AGBL4: variants seen among roughly 807,000 people sequenced by gnomAD.
AGBL4 encodes cytosolic carboxypeptidase 6.
In AGBL4, 58 loss-of-function variants were observed where a neutral mutation model predicts 66.4. The ratio of observed to expected loss-of-function variants is 0.87; its 90% CI spans 0.71 to 1.09. The LOEUF (loss-of-function observed/expected upper bound fraction) is 1.09. AGBL4 is among the 50% of genes least tolerant of loss of function. AGBL4 has a pLI of 0.00. For synonymous variants in AGBL4, 234 were observed against 222.9 expected (o/e 1.05, Z -0.44); for missense variants, 579 against 631.0 (o/e 0.92, Z 0.88).
At chr1:48,590,366 A>G (rs1302531746) in intron 10 of AGBL4, among the ~76,000 whole-genome samples, 2 of 147,008 alleles carry the variant, frequency 1.4e-5, no homozygotes, top group Non-Finnish European at 3.0e-5. Context: ...AGATCATGCC[A>G]TTGCACTCCA....
chr1:48,654,224 G>C (rs1416569589), intron 7 of AGBL4, among the ~76,000 whole-genome samples: 6 of 152,012 alleles, frequency 3.9e-5, no homozygotes, highest in African/African-American at 9.7e-5. Flanking sequence ...TCTAACCCAG[G>C]CTACCATCAC....
intron 2 of AGBL4, among the ~76,000 whole-genome samples, chr1:49,732,348 C>G (rs1231464673): frequency 6.6e-6 from 1 of 152,028 alleles, no homozygotes; most frequent in Non-Finnish European, 1.5e-5. Context: ...TGAAAAGAAC[C>G]TAAACTACAA....
intron 4 of AGBL4, among the ~76,000 whole-genome samples, chr1:49,065,743 G>T (rs1292333453): frequency 6.6e-6 from 1 of 152,204 alleles, no homozygotes; most frequent in African/African-American, 2.4e-5. Context: ...GTGAACTTTT[G>T]AGAAGTGTCC....
intron 4 of AGBL4, among the ~76,000 whole-genome samples, chr1:49,198,913 T>C (rs1647458378): frequency 2.0e-5 from 3 of 152,146 alleles, no homozygotes; most frequent in Admixed American, 2.0e-4. Flanking sequence ...TAAATTCCAA[T>C]CTGCACATAT....
chr1:48,902,117 C>T (rs578078151), intron 5 of AGBL4, among the ~76,000 whole-genome samples: 4 of 152,240 alleles, frequency 2.6e-5, no homozygotes, highest in Admixed American at 2.6e-4. Flanking sequence ...TTACCTCCCA[C>T]CAGGTCCCTC....
chr1:49,851,590 A>G, intron 1 of AGBL4, 72 bp from the exon 2 acceptor site: 1 of 1,459,738 alleles, frequency 6.9e-7, no homozygotes, highest in Non-Finnish European at 9.2e-7. Flanking sequence ...TTTACTGTTA[A>G]TTACCCCTTC....
At chr1:49,586,788 C>T (rs1371495639) in intron 3 of AGBL4, among the ~76,000 whole-genome samples, 1 of 152,078 alleles carries the variant, frequency 6.6e-6, no homozygotes, top group African/African-American at 2.4e-5. Flanking sequence ...ACCAGCACCA[C>T]AAAATAACAG....
intron 1 of AGBL4, among the ~76,000 whole-genome samples, chr1:49,909,975 G>A (rs1238810087): frequency 6.6e-6 from 1 of 152,132 alleles, no homozygotes. Context: ...TCCAAGTAAA[G>A]ATATTAAGTT....
chr1:48,661,848 T>A (rs1646112412), intron 7 of AGBL4, among the ~76,000 whole-genome samples: 1 of 152,132 alleles, frequency 6.6e-6, no homozygotes, highest in South Asian at 2.1e-4. Context: ...GCTGCCAAGT[T>A]TAGTAACTGA....
At chr1:49,685,565 T>C (rs1250634464) in intron 3 of AGBL4, among the ~76,000 whole-genome samples, 1 of 152,142 alleles carries the variant, frequency 6.6e-6, no homozygotes, top group Non-Finnish European at 1.5e-5. Context: ...CCAGCATCTG[T>C]TATGTTTTGA....
intron 3 of AGBL4, among the ~76,000 whole-genome samples, chr1:49,661,613 T>C (rs984373225): frequency 1.3e-5 from 2 of 152,116 alleles, no homozygotes; most frequent in African/African-American, 4.8e-5. Context: ...GCCTACAGAA[T>C]CATGAGCCAA....
intron 3 of AGBL4, among the ~76,000 whole-genome samples, chr1:49,482,448 T>A (rs2148728592): frequency 6.6e-6 from 1 of 152,114 alleles, no homozygotes; most frequent in South Asian, 2.1e-4. Context: ...AATATTCCTG[T>A]TTATATTTCT....
intron 2 of AGBL4, among the ~76,000 whole-genome samples, chr1:49,724,598 G>A (rs186206495): frequency 5.5e-4 from 83 of 152,132 alleles, no homozygotes; most frequent in Non-Finnish European, 1.1e-3. Context: ...TGCTGTCAAG[G>A]ACTGTATGTT....
intron 4 of AGBL4, among the ~76,000 whole-genome samples, chr1:49,076,377 G>T (rs574745815): frequency 6.6e-6 from 1 of 152,230 alleles, no homozygotes; most frequent in East Asian, 1.9e-4. Context: ...ACTATATTTA[G>T]AAATTTGTAC....
intron 6 of AGBL4, among the ~76,000 whole-genome samples, chr1:48,664,505 A>G (rs186395768): frequency 1.1e-3 from 162 of 152,356 alleles, no homozygotes; most frequent in Non-Finnish European, 2.1e-3. Context: ...ACAAGTCTCA[A>G]AAGGATCAAA....
At chr1:49,902,310 C>A (rs758385266) in intron 1 of AGBL4, among the ~76,000 whole-genome samples, 1 of 152,136 alleles carries the variant, frequency 6.6e-6, no homozygotes, top group Non-Finnish European at 1.5e-5. Flanking sequence ...TATCCAGAAT[C>A]TATAAGGACC....
intron 6 of AGBL4, among the ~76,000 whole-genome samples, chr1:48,663,932 C>T (rs940988589): frequency 6.6e-6 from 1 of 152,108 alleles, no homozygotes; most frequent in South Asian, 2.1e-4. Context: ...AGATCCCAAT[C>T]CCTTGTCTGG....
At chr1:49,356,350 C>A (rs1001842094) in intron 3 of AGBL4, among the ~76,000 whole-genome samples, 3 of 152,220 alleles carry the variant, frequency 2.0e-5, no homozygotes, top group African/African-American at 7.2e-5. Flanking sequence ...GACACCTTCA[C>A]ATGCCTTCAA....
At chr1:48,789,966 C>T (rs779219924) in intron 6 of AGBL4, among the ~76,000 whole-genome samples, 1 of 152,180 alleles carries the variant, frequency 6.6e-6, no homozygotes, top group Non-Finnish European at 1.5e-5. Context: ...TATTTTTCCA[C>T]TTAAGATGTT....
Sources: gnomAD v4.1 joint callset for allele counts (sites outside exome capture counted in the v4.1 genomes callset) on GRCh38, gnomAD v4.1.1 for gene constraint, MANE v1.5 for transcripts, NCBI Gene and HGNC (gene_info 2026-07-23, HGNC 2026-07-21) for gene names.